Variants in FAM186A observed in about 807,000 individuals in gnomAD.
FAM186A encodes the protein family with sequence similarity 186 member A, also known as protein FAM186A.
Under a neutral mutation model 216.8 loss-of-function variants are expected in FAM186A, and 163 were observed. That is an observed-to-expected ratio of 0.75 (90% confidence interval 0.66 to 0.86). The LOEUF (loss-of-function observed/expected upper bound fraction) is 0.86. Among genes scored for constraint, FAM186A ranks in the 40% least tolerant of loss-of-function variants. FAM186A has a pLI of 0.00. For synonymous variants in FAM186A, 805 were observed against 1,025.3 expected (o/e 0.79, Z 4.10); for missense variants, 2,184 against 2,746.2 (o/e 0.80, Z 4.58).
chr12:50,349,143 T>G (rs1942850294), intron 4 of FAM186A, among the ~76,000 whole-genome samples: 1 of 152,094 alleles, frequency 6.6e-6, no homozygotes, highest in Non-Finnish European at 1.5e-5. Flanking sequence ...TTCTATTTTT[T>G]TGTACCCATT....
chr12:50,363,499 T>C, intron 1 of FAM186A, 135 bp from the exon 2 acceptor site: 1 of 794,786 alleles, frequency 1.3e-6, no homozygotes, highest in Admixed American at 3.0e-5. Flanking sequence ...GCTTTTATTG[T>C]GAGTCTCAAA....
At chr12:50,373,389 T>A (rs1252655680) in intron 1 of FAM186A, among the ~76,000 whole-genome samples, 1 of 151,940 alleles carries the variant, frequency 6.6e-6, no homozygotes, top group Non-Finnish European at 1.5e-5. Context: ...AGAGTAAGAC[T>A]CCATCTCAAA....
chr12:50,333,811 A>G, intron 5 of FAM186A, 100 bp downstream of exon 5: 1 of 1,144,862 alleles, frequency 8.7e-7, no homozygotes, highest in South Asian at 1.7e-5. Context: ...AGCCCAGGAA[A>G]GTAATATGAC....
Position 50,354,839 on chromosome 12 carries a change from C to T in FAM186A, c.1993G>A (p.Glu665Lys), listed in dbSNP as rs1412342338. 5 of 1,544,468 alleles carry T rather than the reference C, an allele frequency of 3.2e-6. No individual in the cohort carries two copies. In the South Asian group the frequency reaches 6.1e-5, roughly 19 times the overall value. Residue 665 changes from glutamate to lysine, a missense_variant, in exon 4 of 8, where the codon GAA becomes AAA. Physicochemically the swap from Glu to Lys is moderately conservative, Grantham distance 56. This residue lies in a region of FAM186A where 1,132 missense variants were observed against 1,263.4 expected (regional missense o/e 0.90). Transcript: ENST00000327337. ...RVLESPDGKS[E>K]QSNLEEFQEA... ...TGAAATTCTTCGAGGTTACTCTGTT[C>T]ACTTTTGCCATCTGGACTTTCTAGA...
In FAM186A at chr12:50,355,903, C is replaced by T. The variant is rs1469668155; in HGVS notation, c.929G>A (p.Ser310Asn). The T allele has an allele frequency of 1.9e-6, 3 of 1,551,440 alleles. No homozygotes were observed. The highest frequency in any genetic ancestry group is 2.4e-5 in the East Asian group (1 of 40,916). ...ELSLKIIRDL[S>N]NENEMLQQKL... ...CTGCTGAAGCATTTCATTTTCGTTACTGAGATCTCGTATTATCTTCAGAGA... is the reference window on the plus strand; with the variant it reads ...CTGCTGAAGCATTTCATTTTCGTTATTGAGATCTCGTATTATCTTCAGAGA... Residue 310 changes from serine (S) to asparagine (N), a missense_variant, in exon 4 of 8, where the codon AGT becomes AAT. By Grantham distance (46) the Ser-to-Asn change is conservative (BLOSUM62 1). This residue lies in a region of FAM186A where 1,132 missense variants were observed against 1,263.4 expected (regional missense o/e 0.90). Transcript: ENST00000327337.
chr12:50,366,123 G>GA, intron 1 of FAM186A: 2 of 586,070 alleles, frequency 3.4e-6, no homozygotes, highest in Non-Finnish European at 6.1e-6. Context: ...ATTAATACTT[G>GA]AAACAAAAAA....
intron 1 of FAM186A, among the ~76,000 whole-genome samples, chr12:50,379,000 G>C (rs1284160081): frequency 6.6e-6 from 1 of 152,126 alleles, no homozygotes; most frequent in African/African-American, 2.4e-5. Flanking sequence ...ACTGCACAAT[G>C]GATTATTTAA....
In FAM186A at chr12:50,353,683, G is replaced by A. The variant is rs532034681; in HGVS notation, c.3149C>T (p.Pro1050Leu). The A allele has an allele frequency of 2.6e-6, 4 of 1,537,680 alleles. No individual in the cohort carries two copies. The East Asian group carries it at 9.8e-5, about 38-fold the overall frequency. Reference protein sequence around the residue: ...PDEKEPISITPPPSLQYSLPG... With the variant: ...PDEKEPISITLPPSLQYSLPG... ...CAGGGAGTATTGTAGGGAGGGGGGAGGTGTGATTGATATGGGCTCCTTTTC... is the reference window on the plus strand; with the variant it reads ...CAGGGAGTATTGTAGGGAGGGGGGAAGTGTGATTGATATGGGCTCCTTTTC... The change falls in exon 4 of 8, where the codon CCT becomes CTT. Residue 1050 changes from proline (P) to leucine (L), a missense_variant. This residue lies in a region of FAM186A where 1,132 missense variants were observed against 1,263.4 expected (regional missense o/e 0.90). Transcript: ENST00000327337.
At chr12:50,392,142 TG>T (rs58054973) in intron 1 of FAM186A, among the ~76,000 whole-genome samples, 13,082 of 34,976 alleles carry the variant, frequency 0.37, 1,158 homozygotes, top group East Asian at 0.55. Context: ...AGCTGGGGAT[TG>T]GGGGTGGGGG....
At chr12:50,332,804 G>T (rs1374832798) in intron 5 of FAM186A, among the ~76,000 whole-genome samples, 1 of 152,150 alleles carries the variant, frequency 6.6e-6, no homozygotes, top group Non-Finnish European at 1.5e-5. Flanking sequence ...GCCATGGGCG[G>T]TTCACTTGAG....
At chr12:50,375,385 T>C (rs1943187456) in intron 1 of FAM186A, among the ~76,000 whole-genome samples, 2 of 151,614 alleles carry the variant, frequency 1.3e-5, no homozygotes, top group Admixed American at 6.6e-5. Flanking sequence ...CTGTCTCGAC[T>C]AAAAATACAA....
intron 7 of FAM186A, 100 bp downstream of exon 7, chr12:50,330,473 G>T: frequency 2.5e-6 from 3 of 1,199,038 alleles, no homozygotes; most frequent in Non-Finnish European, 3.5e-6. Flanking sequence ...CATTACTTTT[G>T]GTTGATGTAC....
At position 50,363,082 on chromosome 12, in the gene FAM186A, T is replaced by G. The variant is rs963139264; in HGVS notation, c.412+63A>C. 4 of 1,322,196 alleles carry G rather than the reference T, an allele frequency of 3.0e-6. No individual in the cohort carries two copies. The African/African-American group carries it at 5.9e-5, about 20-fold the overall frequency. The allele number at this position is 1,322,196 out of a possible 1,614,324, so 81.9% of individuals were successfully genotyped here. ...TGATTAATCCTTCAAAATTTACTTA[T>G]ATATTCTCTTCTCTTTTTCATTAAC... On this transcript the variant is annotated intron_variant, in intron 2 of 7. Coordinates refer to ENST00000327337, the MANE Select transcript of FAM186A (RefSeq NM_001145475.3).
rs141189770 is a variant in FAM186A at position 50,379,792 on chromosome 12, A to G, written c.193-16428T>C. The stretch of plus-strand genomic sequence containing the variant: ...CAAGAGCAAAACTCCATCTCAAAAA[A>G]AAAAAGTAAAGCACAAAAGAATATA... On this transcript the variant is annotated intron_variant, in intron 1 of 7. Coordinates refer to ENST00000327337, the MANE Select transcript of FAM186A (RefSeq NM_001145475.3). Among the ~76,000 whole-genome samples the G allele has an allele frequency of 6.2e-4, 94 of 152,342 alleles. No homozygotes were observed. In the Middle Eastern group the frequency reaches 0.014, roughly 22 times the overall value.
intron 1 of FAM186A, among the ~76,000 whole-genome samples, chr12:50,383,201 G>A (rs1943268411): frequency 7.8e-6 from 1 of 128,528 alleles, no homozygotes; most frequent in African/African-American, 2.9e-5. Flanking sequence ...AGTGACCTGA[G>A]ATTGCAGCCA....
chr12:50,335,560 C>G (rs1942699289), intron 4 of FAM186A, among the ~76,000 whole-genome samples: 1 of 151,854 alleles, frequency 6.6e-6, no homozygotes, highest in African/African-American at 2.4e-5. Context: ...AGAAGAATCA[C>G]TTGAACCCGA....
chr12:50,395,160 G>A (rs1368565198), intron 1 of FAM186A, among the ~76,000 whole-genome samples: 1 of 152,172 alleles, frequency 6.6e-6, no homozygotes, highest in Non-Finnish European at 1.5e-5. Context: ...GTGCAGTAGT[G>A]CAAGCATGGT....
intron 1 of FAM186A, among the ~76,000 whole-genome samples, chr12:50,367,008 G>A (rs1212468468): frequency 1.3e-5 from 2 of 151,356 alleles, no homozygotes; most frequent in Non-Finnish European, 2.9e-5. Context: ...AGTGAGCCCC[G>A]GTCTTAACAC....
intron 4 of FAM186A, among the ~76,000 whole-genome samples, chr12:50,346,800 T>C (rs974792239): frequency 3.9e-5 from 6 of 151,940 alleles, no homozygotes; most frequent in African/African-American, 1.2e-4. Context: ...TGAGTGGAGA[T>C]TGCCCCACTG....
Sources: allele counts gnomAD v4.1 joint callset (sites outside exome capture counted in the v4.1 genomes callset), GRCh38; gene constraint gnomAD v4.1.1; regional missense constraint gnomAD v4.1.1; transcripts MANE v1.5; gene names NCBI Gene and HGNC (gene_info 2026-07-23, HGNC 2026-07-21).